NAV1: variants seen among roughly 807,000 people sequenced by gnomAD.
NAV1 encodes the protein pore membrane and/or filament interacting like protein 3.
A neutral mutation model predicts 175.2 loss-of-function variants in NAV1; 18 were observed. The ratio of observed to expected loss-of-function variants is 0.10; its 90% CI spans 0.07 to 0.15. The LOEUF is 0.15. Among genes scored for constraint, NAV1 ranks in the 10% least tolerant of loss-of-function variants. The probability of loss-of-function intolerance (pLI) is 1.00; values close to 1 mark genes in which losing one functional copy is unlikely to be tolerated. For missense variants in NAV1, 1,731 were observed against 2,436.6 expected (o/e 0.71, Z 6.10); for synonymous variants, 897 against 978.7 (o/e 0.92, Z 1.56).
In NAV1 at chr1:201,782,353, C is replaced by T; in HGVS notation, c.1841C>T (p.Thr614Ile). Residue 614 changes from threonine to isoleucine, a missense_variant, in exon 6 of 30, where the codon ACA becomes ATA. By Grantham distance (89) the Thr-to-Ile change is moderately conservative. Coordinates refer to ENST00000367296, the Ensembl canonical transcript of NAV1. This position sits in a 1 kb window ranked among gnomAD's most constrained non-coding sequence, Gnocchi z 5.4. ...GGCTACAAGAAGCCTCCTCCTGCCA[C>T]AGGCACAGCCACTGTCATGCAAACT... is the stretch of plus-strand genomic sequence containing the variant. The T allele has an allele frequency of 1.9e-6, 3 of 1,614,168 alleles. No homozygotes were observed. The highest frequency in any genetic ancestry group is 8.5e-7 in the Non-Finnish European group (1 of 1,180,018).
Position 201,735,387 on chromosome 1 carries a change from CT to C in NAV1, c.1226+16633del, listed in dbSNP as rs199668619. ...TTTTGGCTCAAACGTTCTGGATTTT[CT>C]GACCACATGAACTGGGTCTGATCCA... On this transcript the variant is annotated intron_variant, in intron 3 of 29. Transcript: ENST00000367296. 3.9e-3 allele frequency among the ~76,000 whole-genome samples: 596 copies of C among 152,366 alleles called. 6 individuals carry two copies. The highest frequency in any genetic ancestry group is 0.013 in the African/African-American group (547 of 41,594).
intron 1 of NAV1, among the ~76,000 whole-genome samples, chr1:201,653,317 C>T (rs1553249068): frequency 6.6e-6 from 1 of 152,218 alleles, no homozygotes; most frequent in Non-Finnish European, 1.5e-5. Context: ...TGCCCAAGGT[C>T]AGGGAGTAAA....
At chr1:201,682,947 T>C (rs1670522434) in intron 1 of NAV1, among the ~76,000 whole-genome samples, 1 of 152,230 alleles carries the variant, frequency 6.6e-6, no homozygotes, top group Non-Finnish European at 1.5e-5. Context: ...TCTTACATTA[T>C]TAGGGTACCT....
intron 3 of NAV1, among the ~76,000 whole-genome samples, chr1:201,757,892 C>T (rs1404121746): frequency 1.3e-5 from 2 of 152,224 alleles, no homozygotes; most frequent in Non-Finnish European, 1.5e-5. Context: ...GAGGATGATG[C>T]AGCTGGTTCC....
At chr1:201,821,505 GACACACACACACAC>G (rs57007517) in exon 30 of NAV1, 2,462 of 144,674 alleles carry the variant, frequency 0.017, 41 homozygotes, top group South Asian at 0.053. Flanking sequence ...GGTTAAAACA[GACACACACACACAC>G]ACACACACAC....
At chr1:201,802,064 G>T (rs1413539809) in intron 15 of NAV1, among the ~76,000 whole-genome samples, 1 of 141,254 alleles carries the variant, frequency 7.1e-6, no homozygotes, top group Admixed American at 7.3e-5. Context: ...GTGAACCCGG[G>T]AGGCGGAGCT....
chr1:201,639,731 G>T (rs648611), intron 2 of NAV1, among the ~76,000 whole-genome samples: 96,604 of 151,972 alleles, frequency 0.64, 31,232 homozygotes, highest in Non-Finnish European at 0.67. Context: ...CCTCCAGGAC[G>T]ACAAAGCCCC....
intron 28 of NAV1, chr1:201,816,771 C>T (rs961950506): frequency 4.8e-6 from 1 of 207,586 alleles, no homozygotes. Context: ...AAGTGATTCT[C>T]CTGCCTCAGC....
At chr1:201,684,682 C>T (rs2102404966) in intron 1 of NAV1, among the ~76,000 whole-genome samples, 1 of 152,058 alleles carries the variant, frequency 6.6e-6, no homozygotes, top group East Asian at 1.9e-4. Flanking sequence ...ACCATGTTGG[C>T]CAGGCTGGTC....
chr1:201,684,697 A>C (rs1487522938), intron 1 of NAV1, among the ~76,000 whole-genome samples: 1 of 151,074 alleles, frequency 6.6e-6, no homozygotes, highest in Non-Finnish European at 1.5e-5. Context: ...CTGGTCTCGA[A>C]CTCCTGACCT....
At chr1:201,559,606 G>T (rs964947164) in intron 1 of NAV1, among the ~76,000 whole-genome samples, 3 of 152,078 alleles carry the variant, frequency 2.0e-5, no homozygotes, top group Admixed American at 2.0e-4. Context: ...GAAAGGGAAG[G>T]CCTGTTAGCC....
intron 1 of NAV1, among the ~76,000 whole-genome samples, chr1:201,665,280 C>T (rs1360553423): frequency 6.6e-6 from 1 of 151,962 alleles, no homozygotes; most frequent in Non-Finnish European, 1.5e-5. Flanking sequence ...TTGGCATTCT[C>T]TGCTTCTGGC....
intron 1 of NAV1, chr1:201,673,747 A>G (rs1670138457): frequency 6.6e-6 from 1 of 152,296 alleles, no homozygotes; most frequent in African/African-American, 2.4e-5. Flanking sequence ...GGGGCATAGC[A>G]GTTGAATAGC....
chr1:201,790,857 TATC>T, intron 13 of NAV1, 91 bp downstream of exon 17: 1 of 1,299,204 alleles, frequency 7.7e-7, no homozygotes, highest in Non-Finnish European at 1.1e-6. Flanking sequence ...CCTGGTAAGG[TATC>T]CCCTGGACTG....
intron 1 of NAV1, among the ~76,000 whole-genome samples, chr1:201,657,876 AC>A (rs1172865732): frequency 6.6e-6 from 1 of 152,114 alleles, no homozygotes; most frequent in African/African-American, 2.4e-5. Context: ...TACTAAAAAT[AC>A]AAAAAATTAG....
intron 1 of NAV1, among the ~76,000 whole-genome samples, chr1:201,661,553 G>T (rs1669615295): frequency 6.6e-6 from 1 of 152,180 alleles, no homozygotes; most frequent in Non-Finnish European, 1.5e-5. Flanking sequence ...GACTGGGAAT[G>T]CTGGCTCTGT....
chr1:201,624,607 A>G (rs1430044441), intron 1 of NAV1, among the ~76,000 whole-genome samples: 4 of 151,806 alleles, frequency 2.6e-5, no homozygotes, highest in African/African-American at 9.7e-5. Context: ...CAGCCTCCCA[A>G]AGTGCTGGGA....
Position 201,803,727 on chromosome 1 carries a change from T to C in NAV1, c.3639+13T>C, listed in dbSNP as rs902881439. 6.8e-7 allele frequency: 1 copy of C among 1,464,680 alleles called. No individual in the cohort carries two copies. The highest frequency in any genetic ancestry group is 2.6e-5 in the African/African-American group (1 of 38,262). 90.7% of individuals were successfully genotyped at this position (1,464,680 alleles called of 1,614,324 possible). A position where few individuals can be genotyped will look rare whatever the true frequency, so the allele number is the denominator to read the frequency against. ...AAAAAAGAGTTGGGTAGGTAAAGGT[T>C]TGGGGGGTGGGAAGTAGGTAGAACC... On this transcript the variant is annotated intron_variant, in intron 16 of 29. Coordinates refer to ENST00000367296, the Ensembl canonical transcript of NAV1.
chr1:201,614,490 C>G (rs1667945245), intron 2 of NAV1, among the ~76,000 whole-genome samples: 2 of 152,234 alleles, frequency 1.3e-5, no homozygotes, highest in African/African-American at 4.8e-5. Context: ...AATACTGGTG[C>G]TCGCCTTCCT....
Sources: gnomAD v4.1 joint callset for allele counts (sites outside exome capture counted in the v4.1 genomes callset) on GRCh38, gnomAD v4.1.1 for gene constraint, Gnocchi (gnomAD v3.1) non-coding constraint, MANE v1.5 for transcripts, NCBI Gene and HGNC (gene_info 2026-07-23, HGNC 2026-07-21) for gene names.